The following AKAP9 variants were observed in gnomAD, a reference collection of about 807,000 sequenced individuals.
The protein encoded by AKAP9 is A-kinase anchor protein 9.
In AKAP9, 311 loss-of-function variants were observed where a neutral mutation model predicts 488.5. The ratio of observed to expected loss-of-function variants is 0.64; its 90% CI spans 0.58 to 0.70. The LOEUF (loss-of-function observed/expected upper bound fraction) is 0.70. Among genes scored for constraint, AKAP9 ranks in the 30% least tolerant of loss-of-function variants. The probability of loss-of-function intolerance (pLI) is 0.00; values close to 1 mark genes in which losing one functional copy is unlikely to be tolerated. For missense variants in AKAP9, 4,215 were observed against 4,374.5 expected, an observed-to-expected ratio of 0.96 and a Z score of 1.03; for synonymous variants, 1,462 against 1,483.5, an observed-to-expected ratio of 0.99 and a Z score of 0.33.
Position 92,045,070 on chromosome 7 carries a change from C to T in AKAP9, c.5225C>T (p.Thr1742Ile). 1.2e-6 allele frequency: 2 copies of T among 1,613,550 alleles called. No individual in the cohort carries two copies. The highest frequency in any genetic ancestry group is 8.5e-7 in the Non-Finnish European group (1 of 1,179,876). The change falls in exon 21 of 50, where the codon ACA (threonine) becomes ATA (isoleucine). Residue 1742 changes from threonine to isoleucine, a missense_variant. Physicochemically the swap from Thr to Ile is moderately conservative, Grantham distance 89 (BLOSUM62 -1). Around this residue, in one of 5 missense-constraint regions of AKAP9, gnomAD observed 2,361 missense variants for 2,430.0 expected, o/e 0.97. Transcript: ENST00000356239. ...LKILLEVVKT[T>I]AAVEETIGRH... ...ATCCTCTTAGAAGTTGTAAAGACAA[C>T]AGCAGCTGTTGAAGAAACAATTGGT...
At chr7:92,042,214 G>A in intron 19 of AKAP9, 28 bp downstream of exon 19, 5 of 1,613,238 alleles carry the variant, frequency 3.1e-6, no homozygotes, top group Non-Finnish European at 4.2e-6. Context: ...CCACCTAGGA[G>A]CAATGGATCA....
At chr7:92,074,948 C>T (rs765533457) in intron 28 of AKAP9, among the ~76,000 whole-genome samples, 8 of 151,960 alleles carry the variant, frequency 5.3e-5, no homozygotes, top group South Asian at 2.1e-4. Flanking sequence ...TACAATGGCA[C>T]GTGTGTACCT....
chr7:92,099,350 T>G (rs1040594425), intron 43 of AKAP9, among the ~76,000 whole-genome samples: 3 of 152,214 alleles, frequency 2.0e-5, no homozygotes, highest in African/African-American at 7.2e-5. Context: ...AAAGGAATTT[T>G]CCCAACACAT....
intron 3 of AKAP9, among the ~76,000 whole-genome samples, chr7:91,985,585 G>A (rs1345888192): frequency 6.6e-6 from 1 of 151,986 alleles, no homozygotes; most frequent in South Asian, 2.1e-4. Context: ...TTTTTGTTGT[G>A]TCTCTGCCAG....
chr7:91,949,634 T>C (rs1791942045), intron 1 of AKAP9, among the ~76,000 whole-genome samples: 2 of 152,228 alleles, frequency 1.3e-5, no homozygotes, highest in Non-Finnish European at 2.9e-5. Context: ...ATCACCAAAC[T>C]GTAACTTACA....
intron 8 of AKAP9, among the ~76,000 whole-genome samples, chr7:92,004,794 T>A (rs1274432459): frequency 6.6e-6 from 1 of 152,218 alleles, no homozygotes; most frequent in Non-Finnish European, 1.5e-5. Flanking sequence ...CTTTTCCTAA[T>A]TGAATACCCT....
intron 16 of AKAP9, among the ~76,000 whole-genome samples, chr7:92,037,260 A>G (rs1396707989): frequency 1.3e-5 from 2 of 152,198 alleles, no homozygotes; most frequent in African/African-American, 4.8e-5. Context: ...TTTGAACCCC[A>G]GCTTCAATGA....
At position 91,951,037 on chromosome 7, in the gene AKAP9, C is replaced by T. The variant is rs562016437; in HGVS notation, c.48+9890C>T. Reference sequence around the variant, plus strand: ...CTCAACAAGAGAACTCTCACTTTTCCACTTTAAACAACCATTAGTAATTTT... The same window carrying T: ...CTCAACAAGAGAACTCTCACTTTTCTACTTTAAACAACCATTAGTAATTTT... On this transcript the variant is annotated intron_variant, in intron 1 of 49. Coordinates refer to ENST00000356239, the MANE Select transcript of AKAP9 (RefSeq NM_005751.5). Among the ~76,000 whole-genome samples the T allele has an allele frequency of 4.6e-5, 7 of 151,908 alleles. No homozygotes were observed. The South Asian group carries it at 1.2e-3, about 27-fold the overall frequency.
At chr7:92,063,424 T>G (rs962426584) in intron 24 of AKAP9, 5 of 948,962 alleles carry the variant, frequency 5.3e-6, no homozygotes, top group East Asian at 1.2e-4. Flanking sequence ...ATTATACTTT[T>G]GTTGTGTCTT....
At chr7:92,061,171 A>G in intron 22 of AKAP9, 89 bp from the exon 23 acceptor site, 1 of 1,456,596 alleles carries the variant, frequency 6.9e-7, no homozygotes, top group Non-Finnish European at 9.5e-7. Flanking sequence ...TTTATTTTAA[A>G]ATCCTCCTTT....
intron 1 of AKAP9, among the ~76,000 whole-genome samples, chr7:91,947,176 G>A (rs919101790): frequency 8.3e-5 from 2 of 24,178 alleles, no homozygotes; most frequent in African/African-American, 2.4e-4. Context: ...GTGTGTGTGC[G>A]TGTGTGTGTG....
rs948092671 is a variant in AKAP9, at chr7:92,019,109, A to G, written c.3837+2007A>G. ...ATTTATACTTTGTTCTCATTCAGTTATACAGTCAACAATTTTTATTTTTAT... is the reference window on the plus strand; with the variant it reads ...ATTTATACTTTGTTCTCATTCAGTTGTACAGTCAACAATTTTTATTTTTAT... On this transcript the variant is annotated intron_variant, in intron 12 of 49. Coordinates refer to ENST00000356239, the MANE Select transcript of AKAP9 (RefSeq NM_005751.5). Among the ~76,000 whole-genome samples the G allele has an allele frequency of 4.6e-5, 7 of 152,174 alleles. No homozygotes were observed. The East Asian group carries it at 1.2e-3, about 25-fold the overall frequency.
chr7:92,025,499 G>A (rs1802970257), intron 14 of AKAP9, among the ~76,000 whole-genome samples: 1 of 152,178 alleles, frequency 6.6e-6, no homozygotes, highest in Non-Finnish European at 1.5e-5. Context: ...GGACATGACT[G>A]TAACACATTT....
intron 37 of AKAP9, among the ~76,000 whole-genome samples, chr7:92,086,723 G>C (rs111452671): frequency 2.2e-4 from 33 of 152,200 alleles, no homozygotes; most frequent in Non-Finnish European, 3.8e-4. Context: ...AACATTGAGC[G>C]GTCATTGCTC....
intron 45 of AKAP9, 153 bp from the exon 46 acceptor site, chr7:92,102,441 T>TTTACTA: frequency 7.1e-6 from 4 of 563,092 alleles, no homozygotes; most frequent in Non-Finnish European, 1.2e-5. Context: ...AACCTGCCGT[T>TTTACTA]TTACTATTAC....
At chr7:92,014,578 G>A (rs1036407136) in intron 10 of AKAP9, among the ~76,000 whole-genome samples, 9 of 152,100 alleles carry the variant, frequency 5.9e-5, no homozygotes, top group Admixed American at 4.6e-4. Flanking sequence ...GCAGTGAGTG[G>A]AGATCATGCT....
chr7:92,042,593 G>T (rs1806300061), intron 19 of AKAP9, 75 bp from the exon 20 acceptor site: 13 of 1,037,860 alleles, frequency 1.3e-5, no homozygotes, highest in Non-Finnish European at 1.8e-5. Context: ...CAATATAGAA[G>T]AATGACATGC....
chr7:91,968,960 C>A (rs1267562402), intron 1 of AKAP9, among the ~76,000 whole-genome samples: 1 of 152,086 alleles, frequency 6.6e-6, no homozygotes, highest in East Asian at 1.9e-4. Flanking sequence ...TAGCCTCTAC[C>A]TCCTGGGCTC....
At chr7:92,084,075 T>C (rs1814090019) in intron 33 of AKAP9, among the ~76,000 whole-genome samples, 3 of 152,148 alleles carry the variant, frequency 2.0e-5, no homozygotes, top group Admixed American at 2.0e-4. Context: ...GAACATGCAG[T>C]GTTTGGTTTT....
Sources: allele counts gnomAD v4.1 joint callset (sites outside exome capture counted in the v4.1 genomes callset), GRCh38; gene constraint gnomAD v4.1.1; regional missense constraint gnomAD v4.1.1; transcripts MANE v1.5; gene names NCBI Gene and HGNC (gene_info 2026-07-23, HGNC 2026-07-21).